Variants in NUDCD2 observed in about 807,000 individuals in gnomAD.
NUDCD2 encodes NudC domain containing 2.
A neutral mutation model predicts 20.8 loss-of-function variants in NUDCD2; 16 were observed. The observed-to-expected ratio is 0.77, with a 90% CI of 0.52 to 1.17. NUDCD2 has a LOEUF of 1.17. Ranked by LOEUF, NUDCD2 falls within the 50% of genes most tolerant of loss-of-function variation. The pLI is 0.00. For missense variants in NUDCD2, 199 were observed against 193.9 expected (o/e 1.03, Z -0.16); for synonymous variants, 87 against 72.8 (o/e 1.20, Z -1.00).
chr5:163,456,854 G>T, intron 3 of NUDCD2, 75 bp downstream of exon 3: 1 of 1,050,808 alleles, frequency 9.5e-7, no homozygotes, highest in Non-Finnish European at 1.3e-6. Context: ...TGACATTTGA[G>T]TTTTAATTTC....
rs1253977545 is a variant in NUDCD2, at chr5:163,447,117, G to T, written c.*6850C>A. 1 of 152,158 alleles carries T rather than the reference G, an allele frequency of 6.6e-6. No individual in the cohort carries two copies. The highest frequency in any genetic ancestry group is 2.4e-5 in the African/African-American group (1 of 41,442). The allele number at this position is 152,158 out of a possible 1,614,324, so 9.4% of individuals were successfully genotyped here. Reference sequence around the variant, plus strand: ...TATAATGATAAAATTCACCAAGACAGTGCTAAAAGTGTAAGCACTTATTAT... The same window carrying T: ...TATAATGATAAAATTCACCAAGACATTGCTAAAAGTGTAAGCACTTATTAT... On this transcript the variant is annotated 3_prime_UTR_variant, in exon 4 of 4. Transcript: ENST00000302764.
In NUDCD2 at chr5:163,451,812, G is replaced by A. The variant is rs1758185296; in HGVS notation, c.*2155C>T. The A allele has an allele frequency of 6.6e-6, 1 of 152,330 alleles. No individual in the cohort carries two copies. Among genetic ancestry groups the A allele is most frequent in the South Asian group, 2.1e-4 (1 of 4,830 alleles). 9.4% of individuals were successfully genotyped at this position (152,330 alleles called of 1,614,324 possible). On this transcript the variant is annotated 3_prime_UTR_variant, in exon 4 of 4. Transcript: ENST00000302764. ...CTCACACCTGTAATCCCAGCAATTT[G>A]GGAGGCCCAGGCGGGCGGATCACCT...
chr5:163,447,728 TAA>T lies in NUDCD2; in HGVS notation c.*6237_*6238del, dbSNP rs1243765540. 6.6e-6 allele frequency: 1 copy of T among 151,992 alleles called. No homozygotes were observed. Among genetic ancestry groups the T allele is most frequent in the Non-Finnish European group, 1.5e-5 (1 of 67,996 alleles). 9.4% of individuals were successfully genotyped at this position (151,992 alleles called of 1,614,324 possible). ...CATGGGTCTTAAACCTTAACAAATT[TAA>T]AAGAGATGAAATCATATAAAATATG... is the stretch of plus-strand genomic sequence containing the variant. On this transcript the variant is annotated 3_prime_UTR_variant, in exon 4 of 4. Transcript: ENST00000302764.
chr5:163,457,340 C>T (rs958004457), intron 2 of NUDCD2, among the ~76,000 whole-genome samples: 3 of 152,070 alleles, frequency 2.0e-5, no homozygotes, highest in African/African-American at 7.2e-5. Context: ...CCATGTTGGC[C>T]AGGGTGGTCT....
chr5:163,459,915 C>A lies in NUDCD2; in HGVS notation c.136G>T (p.Gly46Cys). 1 of 1,612,918 alleles carries A rather than the reference C, an allele frequency of 6.2e-7. No homozygotes were observed. Among genetic ancestry groups the A allele is most frequent in the Non-Finnish European group, 8.5e-7 (1 of 1,179,618 alleles). ...AGCGCCACATGCCGGCTCTGGAGGC[C>A]GCACTGGATATCCTGGGCGCGCGTG... ...PGTRAQDIQC[G>C]LQSRHVALSV... Residue 46 changes from glycine to cysteine, a missense_variant, in exon 1 of 4, where the codon GGC (glycine) becomes TGC (cysteine). Coordinates refer to ENST00000302764, the MANE Select transcript of NUDCD2 (RefSeq NM_145266.6).
chr5:163,447,492 A>C lies in NUDCD2; in HGVS notation c.*6475T>G, dbSNP rs1002517047. On this transcript the variant is annotated 3_prime_UTR_variant, in exon 4 of 4. Coordinates refer to ENST00000302764, the MANE Select transcript of NUDCD2 (RefSeq NM_145266.6). ...AGCAAAAAGTGGTAGCATTAAAAGG[A>C]GGACTGGACAAATCTTCATTTACAG... The C allele has an allele frequency of 6.6e-6, 1 of 151,898 alleles. No homozygotes were observed. The highest frequency in any genetic ancestry group is 2.4e-5 in the African/African-American group (1 of 41,398). 9.4% of individuals were successfully genotyped at this position (151,898 alleles called of 1,614,324 possible).
intron 2 of NUDCD2, 74 bp downstream of exon 2, chr5:163,457,488 G>T: frequency 1.1e-6 from 1 of 887,040 alleles, no homozygotes; most frequent in Non-Finnish European, 1.8e-6. Context: ...AGACAAAAAA[G>T]ACCTAATACA....
At chr5:163,457,807 T>C (rs754666021) in intron 1 of NUDCD2, among the ~76,000 whole-genome samples, 197 bp from the exon 2 acceptor site, 1 of 152,112 alleles carries the variant, frequency 6.6e-6, no homozygotes, top group Non-Finnish European at 1.5e-5. Flanking sequence ...GGATATTTAC[T>C]ATGGCAAAGA....
rs1417377680 is a variant in NUDCD2, at chr5:163,450,613, G to C, written c.*3354C>G. ...GAGAATAGCAAACCAAAACTAGATA[G>C]AGATCCCATTTCATATCCACTAGAG... On this transcript the variant is annotated 3_prime_UTR_variant, in exon 4 of 4. Coordinates refer to ENST00000302764, the MANE Select transcript of NUDCD2 (RefSeq NM_145266.6). 6.6e-6 allele frequency: 1 copy of C among 152,176 alleles called. No individual in the cohort carries two copies. The highest frequency in any genetic ancestry group is 1.5e-5 in the Non-Finnish European group (1 of 68,032). The allele number at this position is 152,176 out of a possible 1,614,324, so 9.4% of individuals were successfully genotyped here.
chr5:163,460,072 G>T lies in NUDCD2; in HGVS notation c.-22C>A. On this transcript the variant is annotated 5_prime_UTR_variant, in exon 1 of 4. Transcript: ENST00000302764. ...ACATAATCCAGTCCCTCCCGGCCGC[G>T]GCCGCACCAGGCGGAGCCGAGCGCA... The T allele has an allele frequency of 6.6e-7, 1 of 1,523,984 alleles. No homozygotes were observed. The highest frequency in any genetic ancestry group is 8.8e-7 in the Non-Finnish European group (1 of 1,136,792). 94.4% of individuals were successfully genotyped at this position (1,523,984 alleles called of 1,614,324 possible). A position where few individuals can be genotyped will look rare whatever the true frequency, so the allele number is the denominator to read the frequency against.
Position 163,459,887 on chromosome 5 carries a change from G to C in NUDCD2, c.164C>G (p.Ser55Trp). 1 of 1,607,856 alleles carries C rather than the reference G, an allele frequency of 6.2e-7. No individual in the cohort carries two copies. Among genetic ancestry groups the C allele is most frequent in the Non-Finnish European group, 8.5e-7 (1 of 1,177,562 alleles). Residue 55 changes from serine (S) to tryptophan (W), a missense_variant, in exon 1 of 4, where the codon TCG becomes TGG. By Grantham distance (177) the Ser-to-Trp change is radical. Coordinates refer to ENST00000302764, the MANE Select transcript of NUDCD2 (RefSeq NM_145266.6). ...CTTGAGGATCTCGCGGCCGCCCACC[G>C]ACAGCGCCACATGCCGGCTCTGGAG... Reference protein sequence around the residue: ...CGLQSRHVALSVGGREILKGK... With the variant: ...CGLQSRHVALWVGGREILKGK...
Position 163,451,367 on chromosome 5 carries a change from T to C in NUDCD2, c.*2600A>G, listed in dbSNP as rs1167175018. 6.6e-6 allele frequency: 1 copy of C among 152,168 alleles called. No individual in the cohort carries two copies. Among genetic ancestry groups the C allele is most frequent in the Non-Finnish European group, 1.5e-5 (1 of 68,040 alleles). The allele number at this position is 152,168 out of a possible 1,614,324, so 9.4% of individuals were successfully genotyped here. A position where few individuals can be genotyped will look rare whatever the true frequency, so the allele number is the denominator to read the frequency against. On this transcript the variant is annotated 3_prime_UTR_variant, in exon 4 of 4. Transcript: ENST00000302764. Reference sequence around the variant, plus strand: ...TGGAGATGGGGATTAGATCAGTGGTTTCCAAGGTTTAGGGGCTGGGAGTAG... The same window carrying C: ...TGGAGATGGGGATTAGATCAGTGGTCTCCAAGGTTTAGGGGCTGGGAGTAG...
intron 2 of NUDCD2, 142 bp from the exon 3 acceptor site, chr5:163,457,222 C>T: frequency 4.6e-6 from 4 of 860,510 alleles, no homozygotes; most frequent in Non-Finnish European, 5.1e-6. Flanking sequence ...ACCTCCGCCC[C>T]CCGGGTTCAA....
At chr5:163,454,456 C>T (rs1270481738) in intron 3 of NUDCD2, among the ~76,000 whole-genome samples, 1 of 152,140 alleles carries the variant, frequency 6.6e-6, no homozygotes, top group Non-Finnish European at 1.5e-5. Flanking sequence ...ATTCTCCTGC[C>T]TAAGCCTCCC....
rs1293653623 is a variant in NUDCD2 at position 163,459,945 on chromosome 5, G to A, written c.106C>T (p.Pro36Ser). ...EEVFIEVQVP[P>S]GTRAQDIQCG... ...TGGATATCCTGGGCGCGCGTGCCTG[G>A]CGGCACCTGAACTTCAATGAACACC... The change falls in exon 1 of 4, where the codon CCA (proline) becomes TCA (serine). Residue 36 changes from proline (P) to serine (S), a missense_variant. Coordinates refer to ENST00000302764, the MANE Select transcript of NUDCD2 (RefSeq NM_145266.6). 6.2e-7 allele frequency: 1 copy of A among 1,613,562 alleles called. No individual in the cohort carries two copies. Among genetic ancestry groups the A allele is most frequent in the South Asian group, 1.1e-5 (1 of 91,074 alleles).
rs1454421076 is a variant in NUDCD2, at chr5:163,453,400, C to G, written c.*567G>C. 5 of 152,224 alleles carry G rather than the reference C, an allele frequency of 3.3e-5. No homozygotes were observed. Among genetic ancestry groups the G allele is most frequent in the African/African-American group, 1.2e-4 (5 of 41,422 alleles). The allele number at this position is 152,224 out of a possible 1,614,324, so 9.4% of individuals were successfully genotyped here. A position where few individuals can be genotyped will look rare whatever the true frequency, so the allele number is the denominator to read the frequency against. On this transcript the variant is annotated 3_prime_UTR_variant, in exon 4 of 4. Transcript: ENST00000302764. Reference sequence around the variant, plus strand: ...TCCACTTCTATTGTTAGGGTTTTAACTATTTTTAAACTTCTTGACATAAAG... The same window carrying G: ...TCCACTTCTATTGTTAGGGTTTTAAGTATTTTTAAACTTCTTGACATAAAG...
In NUDCD2 at chr5:163,457,160, G is replaced by A. The variant is rs1280104191; in HGVS notation, c.239-80C>T. 2.3e-6 allele frequency: 3 copies of A among 1,329,446 alleles called. No homozygotes were observed. The African/African-American group carries it at 4.7e-5, about 21-fold the overall frequency. The allele number at this position is 1,329,446 out of a possible 1,614,324, so 82.4% of individuals were successfully genotyped here. On this transcript the variant is annotated intron_variant, in intron 2 of 3. Coordinates refer to ENST00000302764, the MANE Select transcript of NUDCD2 (RefSeq NM_145266.6). ...AGTTGTTTTTTTTTTTTTTGAGACA[G>A]TATCACTCTCACCCAGGCTGGAGTG...
At chr5:163,457,520 C>T in intron 2 of NUDCD2, 42 bp downstream of exon 2, 1 of 1,174,642 alleles carries the variant, frequency 8.5e-7, no homozygotes, top group Non-Finnish European at 1.3e-6. Context: ...GATATCAAGA[C>T]AAAATTATTT....
rs1444718937 is a variant in NUDCD2 at position 163,448,534 on chromosome 5, C to T, written c.*5433G>A. ...TAAAAATTGAACCATTGTTTAAAACCTTACTAGCAAATTCATAAAACATTT... is the reference window on the plus strand; with the variant it reads ...TAAAAATTGAACCATTGTTTAAAACTTTACTAGCAAATTCATAAAACATTT... On this transcript the variant is annotated 3_prime_UTR_variant, in exon 4 of 4. Transcript: ENST00000302764. 6.6e-6 allele frequency: 1 copy of T among 152,046 alleles called. No homozygotes were observed. Among genetic ancestry groups the T allele is most frequent in the Non-Finnish European group, 1.5e-5 (1 of 67,996 alleles). The allele number at this position is 152,046 out of a possible 1,614,324, so 9.4% of individuals were successfully genotyped here. A position where few individuals can be genotyped will look rare whatever the true frequency, so the allele number is the denominator to read the frequency against.
Sources: gnomAD v4.1 joint callset for allele counts (sites outside exome capture counted in the v4.1 genomes callset) on GRCh38, gnomAD v4.1.1 for gene constraint, MANE v1.5 for transcripts, NCBI Gene and HGNC (gene_info 2026-07-23, HGNC 2026-07-21) for gene names.